C16orf96: variants seen among roughly 807,000 people sequenced by gnomAD.
C16orf96 encodes the protein chromosome 16 open reading frame 96, also known as uncharacterized protein C16orf96.
C16orf96 carries 108 observed loss-of-function variants against 103.6 expected under a neutral mutation model. The ratio of observed to expected loss-of-function variants is 1.04; its 90% CI spans 0.89 to 1.22. The LOEUF (loss-of-function observed/expected upper bound fraction) is 1.22, where lower values mean the gene tolerates loss of function less well. Among genes scored for constraint, C16orf96 ranks in the 50% most tolerant of loss-of-function variants. C16orf96 has a pLI of 0.00. For synonymous variants in C16orf96, 566 were observed against 593.5 expected, an observed-to-expected ratio of 0.95 and a Z score of 0.67; for missense variants, 1,586 against 1,464.2, an observed-to-expected ratio of 1.08 and a Z score of -1.36.
Position 4,592,336 on chromosome 16 carries a change from T to G in C16orf96, c.2743T>G (p.Cys915Gly), listed in dbSNP as rs1431472831. 4 of 1,551,570 alleles carry G rather than the reference T, an allele frequency of 2.6e-6. No individual in the cohort carries two copies. The African/African-American group carries it at 5.5e-5, about 21-fold the overall frequency. ...KLFKRVKCIS[C>G]DRPVEMMTGP... is the part of the protein sequence containing the mutation. ...GTTCAAGCGCGTGAAGTGCATCTCCTGTGACCGGCCTGTGGAGATGATGAC... is the reference window on the plus strand; with the variant it reads ...GTTCAAGCGCGTGAAGTGCATCTCCGGTGACCGGCCTGTGGAGATGATGAC... Residue 915 changes from cysteine to glycine, a missense_variant, in exon 11 of 16, where the codon TGT becomes GGT. By Grantham distance (159) the Cys-to-Gly change is radical. Transcript: ENST00000444310.
chr16:4,565,124 G>T (rs7202602), intron 1 of C16orf96, among the ~76,000 whole-genome samples: 28 of 152,204 alleles, frequency 1.8e-4, no homozygotes, highest in Non-Finnish European at 3.8e-4. Flanking sequence ...TAAGGCCTTT[G>T]TAAGTACTGG....
At chr16:4,546,181 C>T in the C16orf96 span, among the ~76,000 whole-genome samples, 4 of 144,164 alleles carry the variant, frequency 2.8e-5, no homozygotes, top group East Asian at 2.0e-4. Context: ...TTTTTTGAGA[C>T]GGAGTCTGGC....
At chr16:4,553,412 C>G (rs1229375571), upstream of C16orf96, among the ~76,000 whole-genome samples, 5 of 152,114 alleles carry the variant, frequency 3.3e-5, no homozygotes, top group Non-Finnish European at 7.4e-5. Context: ...GGGTCTCACT[C>G]TCTTGCCCAG....
Position 4,576,563 on chromosome 16 carries a change from G to A in C16orf96, c.2083G>A (p.Val695Ile). 6.4e-7 allele frequency: 1 copy of A among 1,551,520 alleles called. No homozygotes were observed. The highest frequency in any genetic ancestry group is 8.7e-7 in the Non-Finnish European group (1 of 1,146,940). ...YSMSHIAQIP[V>I]KHDSLKEEFA... Reference sequence around the variant, plus strand: ...CATGAGCCACATAGCCCAGATACCTGTCAAACACGACTCTCTGAAGGAAGA... The same window carrying A: ...CATGAGCCACATAGCCCAGATACCTATCAAACACGACTCTCTGAAGGAAGA... The change falls in exon 5 of 16, where the codon GTC becomes ATC. Residue 695 changes from valine to isoleucine, a missense_variant. Physicochemically the swap from Val to Ile is conservative, Grantham distance 29. Coordinates refer to ENST00000444310, the MANE Select transcript of C16orf96 (RefSeq NM_001145011.2).
At chr16:4,557,858 T>C (rs2059283018) in intron 1 of C16orf96, among the ~76,000 whole-genome samples, 1 of 152,204 alleles carries the variant, frequency 6.6e-6, no homozygotes, top group Non-Finnish European at 1.5e-5. Context: ...TTTGTAGAGA[T>C]AGGGTCTCCT....
rs372914228 is a variant in C16orf96 at position 4,593,291 on chromosome 16, G to A, written c.2842G>A (p.Glu948Lys). 5.5e-5 allele frequency: 85 copies of A among 1,550,912 alleles called. 1 individual carries two copies. The African/African-American group carries it at 6.2e-4, about 11-fold the overall frequency. ...GCGGCCAGCCAGCGCCAACAGCTGC[G>A]AGTACTTGCAGCGGCAACAGATGAG... ...RLRPASANSC[E>K]YLQRQQMREQ... Residue 948 changes from glutamate (E) to lysine (K), a missense_variant, in exon 12 of 16, where the codon GAG becomes AAG. Transcript: ENST00000444310. This position sits in a 1 kb window ranked among gnomAD's most constrained non-coding sequence, Gnocchi z 4.2.
the C16orf96 span, among the ~76,000 whole-genome samples, chr16:4,547,689 C>CTTCCTTCCTTCTTTCT: frequency 1.4e-3 from 32 of 22,582 alleles, no homozygotes; most frequent in African/African-American, 2.7e-3. Flanking sequence ...TCCTTCCTTC[C>CTTCCTTCCTTCTTTCT]TTCTTTCTTT....
the C16orf96 span, among the ~76,000 whole-genome samples, chr16:4,541,915 G>A: frequency 1.3e-5 from 2 of 152,194 alleles, no homozygotes; most frequent in Non-Finnish European, 2.9e-5. Context: ...AGGAACCTAG[G>A]TTGTTCCCCC....
At position 4,600,241 on chromosome 16, in the gene C16orf96, C is replaced by T; in HGVS notation, c.3350C>T (p.Ser1117Phe). 1.3e-6 allele frequency: 2 copies of T among 1,551,590 alleles called. No homozygotes were observed. The highest frequency in any genetic ancestry group is 1.7e-6 in the Non-Finnish European group (2 of 1,146,962). ...SLRDPQQAPGSTRLSRAPHIE... is the reference protein window; with the variant it reads ...SLRDPQQAPGFTRLSRAPHIE... ...AGGGACCCCCAGCAGGCCCCAGGGT[C>T]CACCAGGCTCTCAAGAGCTCCACAC... Residue 1117 changes from serine (S) to phenylalanine (F), a missense_variant, in exon 16 of 16, where the codon TCC (serine) becomes TTC (phenylalanine). Physicochemically the swap from Ser to Phe is radical, Grantham distance 155 (BLOSUM62 -2). Transcript: ENST00000444310.
At chr16:4,583,187 G>A (rs1349907557) in intron 7 of C16orf96, among the ~76,000 whole-genome samples, 1 of 151,900 alleles carries the variant, frequency 6.6e-6, no homozygotes, top group Non-Finnish European at 1.5e-5. Flanking sequence ...GCAGTGAGCC[G>A]AGATTGTGTC....
intron 1 of C16orf96, among the ~76,000 whole-genome samples, chr16:4,568,870 T>G (rs2059408483): frequency 6.6e-6 from 1 of 151,944 alleles, no homozygotes; most frequent in African/African-American, 2.4e-5. Context: ...GCTCAAGTGA[T>G]CCACCTGCTT....
In C16orf96 at chr16:4,575,901, G is replaced by T. The variant is rs1015762880; in HGVS notation, c.1421G>T (p.Arg474Leu). The T allele has an allele frequency of 2.6e-6, 4 of 1,551,562 alleles. No homozygotes were observed. In the East Asian group the frequency reaches 7.3e-5, roughly 28 times the overall value. ...PSLRGLRERA[R>L]KDGAPKDRTR... ...CTAAGGGGCCTTCGGGAGAGGGCCC[G>T]CAAGGATGGGGCCCCCAAGGATAGA... Residue 474 changes from arginine (R) to leucine (L), a missense_variant, in exon 5 of 16, where the codon CGC becomes CTC. By Grantham distance (102) the Arg-to-Leu change is moderately radical. Transcript: ENST00000444310.
At chr16:4,552,225 T>C (rs1399348177), upstream of C16orf96, among the ~76,000 whole-genome samples, 2 of 152,078 alleles carry the variant, frequency 1.3e-5, no homozygotes, top group African/African-American at 2.4e-5. Context: ...CTCACGCCTG[T>C]AATCCCAGCA....
rs115374222 is a variant in C16orf96 at position 4,559,700 on chromosome 16, A to G, written c.420+2791A>G. Among the ~76,000 whole-genome samples the G allele has an allele frequency of 6.8e-3, 1,039 of 152,248 alleles. 14 individuals are homozygous for G. The highest frequency in any genetic ancestry group is 0.022 in the African/African-American group (920 of 41,552). ...CATTGTTGTGCAGCCAGCCACCTCT[A>G]TCTAGTTCTAAGCCATTTCCATCAC... is the stretch of plus-strand genomic sequence containing the variant. On this transcript the variant is annotated intron_variant, in intron 1 of 15. Coordinates refer to ENST00000444310, the MANE Select transcript of C16orf96 (RefSeq NM_001145011.2).
chr16:4,566,037 C>T (rs2059382638), intron 1 of C16orf96, among the ~76,000 whole-genome samples: 1 of 152,090 alleles, frequency 6.6e-6, no homozygotes, highest in Non-Finnish European at 1.5e-5. Context: ...GAGATGTGGT[C>T]TTGCTGTGTT....
In C16orf96 at chr16:4,594,467, C is replaced by T. The variant is rs796479528; in HGVS notation, c.2984C>T (p.Thr995Met). The T allele has an allele frequency of 1.7e-5, 26 of 1,551,396 alleles. No homozygotes were observed. Among genetic ancestry groups the T allele is most frequent in the Admixed American group, 9.8e-5 (5 of 50,986 alleles). Residue 995 changes from threonine (T) to methionine (M), a missense_variant, in exon 13 of 16, where the codon ACG becomes ATG. Physicochemically the swap from Thr to Met is moderately conservative, Grantham distance 81. Coordinates refer to ENST00000444310, the MANE Select transcript of C16orf96 (RefSeq NM_001145011.2). Reference sequence around the variant, plus strand: ...AAGTGCAAGTCCTGCAACCTGTTGACGCTCTATCCCTACGGGGATCCCCAC... The same window carrying T: ...AAGTGCAAGTCCTGCAACCTGTTGATGCTCTATCCCTACGGGGATCCCCAC... ...SLKCKSCNLL[T>M]LYPYGDPHVI... is the part of the protein sequence containing the mutation.
chr16:4,600,025 G>C, intron 15 of C16orf96, 75 bp from the exon 16 acceptor site: 1 of 1,359,574 alleles, frequency 7.4e-7, no homozygotes, highest in Non-Finnish European at 1.0e-6. Context: ...TCTTTAGTGG[G>C]GATGGCCCCA....
In C16orf96 at chr16:4,588,455, G is replaced by C. The variant is rs964849238; in HGVS notation, c.2592+124G>C. 3 of 1,118,962 alleles carry C rather than the reference G, an allele frequency of 2.7e-6. No individual in the cohort carries two copies. In the African/African-American group the frequency reaches 4.7e-5, roughly 18 times the overall value. The allele number at this position is 1,118,962 out of a possible 1,614,324, so 69.3% of individuals were successfully genotyped here. A position where few individuals can be genotyped will look rare whatever the true frequency, so the allele number is the denominator to read the frequency against. On this transcript the variant is annotated intron_variant, in intron 9 of 15. Transcript: ENST00000444310. ...AATTTGGGAGTGACCCAGCAACTTAGCTGGGTGGCTCAGGGTTTCCTGTGA... is the reference window on the plus strand; with the variant it reads ...AATTTGGGAGTGACCCAGCAACTTACCTGGGTGGCTCAGGGTTTCCTGTGA...
the C16orf96 span, among the ~76,000 whole-genome samples, chr16:4,547,606 C>CT: frequency 6.6e-6 from 1 of 150,920 alleles, no homozygotes; most frequent in Admixed American, 6.6e-5. Flanking sequence ...CTCCTCTTTC[C>CT]TTCCTTTCTT....
Sources: allele counts gnomAD v4.1 joint callset (sites outside exome capture counted in the v4.1 genomes callset), GRCh38; gene constraint gnomAD v4.1.1; non-coding constraint Gnocchi (gnomAD v3.1); transcripts MANE v1.5; gene names NCBI Gene and HGNC (gene_info 2026-07-23, HGNC 2026-07-21).